Variants in MYZAP observed in about 807,000 individuals in gnomAD.
The protein encoded by MYZAP is myocardial zonula adherens protein.
In MYZAP, 66 loss-of-function variants were observed where a neutral mutation model predicts 69.4. That is an observed-to-expected ratio of 0.95 (90% CI 0.78 to 1.17). The LOEUF is 1.17. Among genes scored for constraint, MYZAP ranks in the 50% most tolerant of loss-of-function variants. The pLI is 0.00. For missense variants in MYZAP, 611 were observed against 556.2 expected (o/e 1.10, Z -0.99); for synonymous variants, 256 against 205.9 (o/e 1.24, Z -2.09).
chr15:57,645,165 A>G (rs2037378282), intron 10 of MYZAP, among the ~76,000 whole-genome samples: 1 of 152,234 alleles, frequency 6.6e-6, no homozygotes, highest in Non-Finnish European at 1.5e-5. Flanking sequence ...GCAAAGCAGA[A>G]TATTATTTGT....
intron 5 of MYZAP, among the ~76,000 whole-genome samples, chr15:57,626,911 T>C (rs1410057547): frequency 6.6e-6 from 1 of 152,176 alleles, no homozygotes; most frequent in Non-Finnish European, 1.5e-5. Context: ...TCCCACCCTT[T>C]TCCTGGCTCT....
intron 12 of MYZAP, 120 bp downstream of exon 12, chr15:57,675,188 C>A: frequency 1.1e-6 from 1 of 930,732 alleles, no homozygotes; most frequent in Non-Finnish European, 1.6e-6. Context: ...TTCTGCAAAG[C>A]CGAGTGGTGG....
intron 11 of MYZAP, among the ~76,000 whole-genome samples, chr15:57,669,047 C>T (rs749128323): frequency 3.3e-5 from 5 of 151,938 alleles, no homozygotes; most frequent in Non-Finnish European, 7.4e-5. Flanking sequence ...CATGCCACCA[C>T]GCTCGGCTAA....
intron 1 of MYZAP, chr15:57,599,352 ATT>A (rs58670224): frequency 0.016 from 7,940 of 490,882 alleles, no homozygotes; most frequent in Middle Eastern, 0.021. Context: ...GGAGGCCAGC[ATT>A]TTTTTTTTTT....
At chr15:57,662,983 C>G (rs1220311778) in intron 11 of MYZAP, among the ~76,000 whole-genome samples, 1 of 152,210 alleles carries the variant, frequency 6.6e-6, no homozygotes, top group East Asian at 1.9e-4. Flanking sequence ...TCCTGTCTTC[C>G]CTGCCACAGT....
chr15:57,641,293 C>T (rs576546716), intron 10 of MYZAP, among the ~76,000 whole-genome samples: 2 of 152,258 alleles, frequency 1.3e-5, no homozygotes, highest in African/African-American at 4.8e-5. Flanking sequence ...GTTTAGAATT[C>T]TCTGTTTCCT....
intron 11 of MYZAP, among the ~76,000 whole-genome samples, chr15:57,664,503 A>T (rs9806740): frequency 5.3e-5 from 8 of 152,176 alleles, no homozygotes; most frequent in East Asian, 3.9e-4. Flanking sequence ...TGTGGATGAT[A>T]GCTAATGCTG....
At chr15:57,627,743 C>T (rs1295723347) in intron 5 of MYZAP, among the ~76,000 whole-genome samples, 1 of 152,054 alleles carries the variant, frequency 6.6e-6, no homozygotes, top group Non-Finnish European at 1.5e-5. Flanking sequence ...ATGACATGAG[C>T]AAGATGCCTA....
At position 57,642,666 on chromosome 15, in the gene MYZAP, T is replaced by G. The variant is rs1005430685; in HGVS notation, c.1119+3121T>G. 2.6e-5 allele frequency among the ~76,000 whole-genome samples: 4 copies of G among 152,198 alleles called. No individual in the cohort carries two copies. In the East Asian group the frequency reaches 5.8e-4, roughly 22 times the overall value. ...TAGTTTTTTTAAATGATGGGCTTCT[T>G]TTGTTTAGCTCAAAATGTCCAGGTG... On this transcript the variant is annotated intron_variant, in intron 10 of 12. Transcript: ENST00000267853.
At chr15:57,599,352 ATTTTT>A in intron 1 of MYZAP, 5 of 499,190 alleles carry the variant, frequency 1.0e-5, no homozygotes, top group African/African-American at 2.2e-5. Context: ...GGAGGCCAGC[ATTTTT>A]TTTTTTTTTT....
intron 9 of MYZAP, among the ~76,000 whole-genome samples, chr15:57,638,171 T>A (rs2036925439): frequency 6.6e-6 from 1 of 152,222 alleles, no homozygotes; most frequent in African/African-American, 2.4e-5. Context: ...TAGTAAAACC[T>A]TGCATTATCC....
At chr15:57,616,362 G>C (rs778485238) in intron 2 of MYZAP, among the ~76,000 whole-genome samples, 7 of 152,122 alleles carry the variant, frequency 4.6e-5, no homozygotes, top group African/African-American at 1.7e-4. Context: ...AAAATTGGCT[G>C]GGCGCAGTGG....
At chr15:57,682,826 C>G (rs542331824) in intron 12 of MYZAP, among the ~76,000 whole-genome samples, 1 of 152,300 alleles carries the variant, frequency 6.6e-6, no homozygotes, top group African/African-American at 2.4e-5. Context: ...CATACTGCCC[C>G]TTCTTCCTGG....
intron 3 of MYZAP, among the ~76,000 whole-genome samples, chr15:57,619,276 A>G (rs564655536): frequency 6.6e-6 from 1 of 152,262 alleles, no homozygotes; most frequent in Non-Finnish European, 1.5e-5. Flanking sequence ...ATTAGCACGC[A>G]TATACATAAT....
chr15:57,639,680 C>G, intron 10 of MYZAP, 135 bp downstream of exon 10: 1 of 965,766 alleles, frequency 1.0e-6, no homozygotes, highest in Non-Finnish European at 1.5e-6. Flanking sequence ...CATCTAGGCC[C>G]AGAGTGGGAT....
At chr15:57,653,683 T>G (rs1440136366) in intron 10 of MYZAP, among the ~76,000 whole-genome samples, 5 of 152,016 alleles carry the variant, frequency 3.3e-5, no homozygotes, top group Non-Finnish European at 7.4e-5. Context: ...TAGGTGTTTA[T>G]GGAAGCAAGA....
chr15:57,593,212 A>ACACACACACACACACACACTCACT lies in MYZAP; in HGVS notation c.75+1106_75+1107insACACACACACACACACTCACTCAC, dbSNP rs770540454. 8.4e-4 allele frequency among the ~76,000 whole-genome samples: 105 copies of ACACACACACACACACACACTCACT among 124,990 alleles called. 1 individual carries two copies. Among genetic ancestry groups the ACACACACACACACACACACTCACT allele is most frequent in the Middle Eastern group, 7.9e-3 (2 of 254 alleles). 82.0% of individuals were successfully genotyped at this position (124,990 alleles called of 152,430 possible). On this transcript the variant is annotated intron_variant, in intron 1 of 12. Coordinates refer to ENST00000267853, the MANE Select transcript of MYZAP (RefSeq NM_001018100.5). ...CGCACACACACACACACACACACAC[A>ACACACACACACACACACACTCACT]CACCCCAGAATCCATCAGTTGGCTC...
chr15:57,598,912 A>C (rs2034234679), intron 1 of MYZAP, among the ~76,000 whole-genome samples: 1 of 152,074 alleles, frequency 6.6e-6, no homozygotes, highest in Non-Finnish European at 1.5e-5. Context: ...GTCCTTCTAT[A>C]CCCAGCTTAA....
At chr15:57,670,186 AAT>A (rs2038800942) in intron 11 of MYZAP, among the ~76,000 whole-genome samples, 1 of 152,062 alleles carries the variant, frequency 6.6e-6, no homozygotes, top group Non-Finnish European at 1.5e-5. Context: ...TTGTCCTATC[AAT>A]TGCCGAGAGA....
Sources: allele counts gnomAD v4.1 joint callset (sites outside exome capture counted in the v4.1 genomes callset), GRCh38; gene constraint gnomAD v4.1.1; transcripts MANE v1.5; gene names NCBI Gene and HGNC (gene_info 2026-07-23, HGNC 2026-07-21).